The following GALNT13 variants were observed in gnomAD, a reference collection of about 807,000 sequenced individuals.
The protein encoded by GALNT13 is polypeptide N-acetylgalactosaminyltransferase 13.
GALNT13 carries 28 observed loss-of-function variants against 64.2 expected under a neutral mutation model. The observed-to-expected ratio is 0.44, with a 90% CI of 0.32 to 0.60. GALNT13 has a LOEUF of 0.60. Ranked by LOEUF, GALNT13 falls within the 20% of genes least tolerant of loss-of-function variation. GALNT13 has a pLI of 0.05. For synonymous variants in GALNT13, 214 were observed against 224.6 expected, an observed-to-expected ratio of 0.95 and a Z score of 0.42; for missense variants, 577 against 669.8, an observed-to-expected ratio of 0.86 and a Z score of 1.53.
the GALNT13 span, among the ~76,000 whole-genome samples, chr2:153,581,450 A>C: frequency 6.6e-6 from 1 of 152,188 alleles, no homozygotes; most frequent in Admixed American, 6.5e-5. Flanking sequence ...TAGAACACAA[A>C]TATTTTCAAA....
the GALNT13 span, among the ~76,000 whole-genome samples, chr2:153,680,823 G>T: frequency 6.6e-6 from 1 of 151,900 alleles, no homozygotes; most frequent in African/African-American, 2.4e-5. Flanking sequence ...AGGTGACTGT[G>T]TATGACTAAT....
chr2:153,597,089 G>GT, the GALNT13 span, among the ~76,000 whole-genome samples: 1 of 152,012 alleles, frequency 6.6e-6, no homozygotes, highest in Non-Finnish European at 1.5e-5. Context: ...TTCTACAACA[G>GT]TTTTTTTACA....
At chr2:154,321,272 T>A (rs1002315173) in intron 9 of GALNT13, among the ~76,000 whole-genome samples, 7 of 152,150 alleles carry the variant, frequency 4.6e-5, no homozygotes, top group Admixed American at 1.3e-4. Context: ...CAATAGTAGC[T>A]GTCTTTCACA....
At chr2:153,232,360 C>G in the GALNT13 span, among the ~76,000 whole-genome samples, 4 of 152,308 alleles carry the variant, frequency 2.6e-5, no homozygotes, top group Admixed American at 1.3e-4. Flanking sequence ...GGTTAATTGT[C>G]ATTGTCATGT....
chr2:154,116,595 A>T (rs1372266506), intron 3 of GALNT13, among the ~76,000 whole-genome samples: 1 of 152,192 alleles, frequency 6.6e-6, no homozygotes. Context: ...ACAGTCAAAG[A>T]TATTATGTGC....
chr2:153,200,723 A>C, the GALNT13 span, among the ~76,000 whole-genome samples: 47 of 152,350 alleles, frequency 3.1e-4, 1 homozygote, highest in Middle Eastern at 3.4e-3. Context: ...ACATCTATCA[A>C]AGTTTATTTA....
At chr2:153,280,944 G>T in the GALNT13 span, among the ~76,000 whole-genome samples, 4 of 152,212 alleles carry the variant, frequency 2.6e-5, no homozygotes, top group South Asian at 2.1e-4. Context: ...GATGACTGGC[G>T]CAATGCTGTA....
the GALNT13 span, chr2:153,761,581 A>G: frequency 6.6e-6 from 1 of 152,376 alleles, no homozygotes. Flanking sequence ...CATTTCATCA[A>G]TCTCTTCTAT....
chr2:154,065,633 T>G (rs1381721292), intron 3 of GALNT13, among the ~76,000 whole-genome samples: 2 of 152,138 alleles, frequency 1.3e-5, no homozygotes, highest in African/African-American at 4.8e-5. Context: ...CCTCTGTGAG[T>G]CCACAAGAGC....
At chr2:153,194,800 T>G in the GALNT13 span, among the ~76,000 whole-genome samples, 1 of 151,538 alleles carries the variant, frequency 6.6e-6, no homozygotes, top group Admixed American at 6.6e-5. Context: ...TTGATTCCAG[T>G]TGCACACAGT....
chr2:153,678,581 C>T, the GALNT13 span, among the ~76,000 whole-genome samples: 3 of 151,938 alleles, frequency 2.0e-5, no homozygotes, highest in South Asian at 2.1e-4. Flanking sequence ...GGACTATGCT[C>T]GTTACCTGGG....
intron 3 of GALNT13, among the ~76,000 whole-genome samples, chr2:154,116,175 G>A (rs929904296): frequency 9.9e-5 from 15 of 152,150 alleles, no homozygotes; most frequent in African/African-American, 3.6e-4. Flanking sequence ...CACTACTAGG[G>A]ATGGGGAAGC....
At chr2:154,102,686 G>A (rs770260945) in intron 3 of GALNT13, among the ~76,000 whole-genome samples, 46 of 152,082 alleles carry the variant, frequency 3.0e-4, no homozygotes, top group Non-Finnish European at 5.4e-4. Context: ...AATTAAAAAA[G>A]ACTAAATATT....
the GALNT13 span, among the ~76,000 whole-genome samples, chr2:153,447,234 T>C: frequency 6.6e-6 from 1 of 152,192 alleles, no homozygotes; most frequent in Non-Finnish European, 1.5e-5. Context: ...AATATTGTAA[T>C]AATTGTAAAT....
At chr2:153,925,861 T>A (rs1181022409) in intron 2 of GALNT13, among the ~76,000 whole-genome samples, 1 of 152,092 alleles carries the variant, frequency 6.6e-6, no homozygotes, top group African/African-American at 2.4e-5. Flanking sequence ...TGTATGCCTG[T>A]TGTTGGTGTA....
At chr2:154,408,618 T>A (rs1011728084) in intron 10 of GALNT13, among the ~76,000 whole-genome samples, 3 of 152,044 alleles carry the variant, frequency 2.0e-5, no homozygotes, top group African/African-American at 7.2e-5. Flanking sequence ...GAATAGTCAA[T>A]GGTTATTTGA....
chr2:154,145,106 A>G (rs13002037), intron 4 of GALNT13, among the ~76,000 whole-genome samples: 1 of 141,542 alleles, frequency 7.1e-6, no homozygotes, highest in Non-Finnish European at 1.5e-5. Context: ...CTATCTATAT[A>G]TATATATATA....
chr2:153,788,539 CA>C, the GALNT13 span, among the ~76,000 whole-genome samples: 1 of 152,024 alleles, frequency 6.6e-6, no homozygotes, highest in Non-Finnish European at 1.5e-5. Flanking sequence ...AGCAACCACA[CA>C]AACAAGTTGA....
rs780606096 is a variant in GALNT13 at position 154,353,540 on chromosome 2, G to T, written c.1157-42451G>T. 2.6e-5 allele frequency among the ~76,000 whole-genome samples: 4 copies of T among 152,214 alleles called. No homozygotes were observed. In the East Asian group the frequency reaches 7.7e-4, roughly 29 times the overall value. On this transcript the variant is annotated intron_variant, in intron 9 of 12. Transcript: ENST00000392825. ...CTAGACTTGTTCATCCTACACATCT[G>T]CTACTTTGTATTCGTTGGTATCTCC...
Sources: allele counts gnomAD v4.1 joint callset (sites outside exome capture counted in the v4.1 genomes callset), GRCh38; gene constraint gnomAD v4.1.1; transcripts MANE v1.5; gene names NCBI Gene and HGNC (gene_info 2026-07-23, HGNC 2026-07-21).